IMMP2L: variants seen among roughly 807,000 people sequenced by gnomAD.
IMMP2L encodes the protein mitochondrial inner membrane protease subunit 2.
A neutral mutation model predicts 19.3 loss-of-function variants in IMMP2L; 18 were observed. The ratio of observed to expected loss-of-function variants is 0.93; its 90% CI spans 0.64 to 1.38. IMMP2L has a LOEUF of 1.38. IMMP2L is among the 40% of genes most tolerant of loss of function. The pLI is 0.00. For missense variants in IMMP2L, 233 were observed against 218.2 expected, an observed-to-expected ratio of 1.07 and a Z score of -0.43; for synonymous variants, 76 against 73.0, an observed-to-expected ratio of 1.04 and a Z score of -0.21.
intron 3 of IMMP2L, among the ~76,000 whole-genome samples, chr7:111,362,207 T>C (rs1829324766): frequency 6.6e-6 from 1 of 152,078 alleles, no homozygotes; most frequent in African/African-American, 2.4e-5. Flanking sequence ...TTTCCAGTTA[T>C]CTCCCCATAG....
At chr7:111,151,477 C>T (rs944055005) in intron 3 of IMMP2L, among the ~76,000 whole-genome samples, 2 of 151,964 alleles carry the variant, frequency 1.3e-5, no homozygotes, top group African/African-American at 2.4e-5. Flanking sequence ...AGAGACAGAA[C>T]GAGACAGAGA....
intron 3 of IMMP2L, among the ~76,000 whole-genome samples, chr7:111,441,449 G>A (rs183348742): frequency 6.6e-6 from 1 of 151,870 alleles, no homozygotes; most frequent in East Asian, 1.9e-4. Context: ...GGAACTGCAG[G>A]TCGGTGGAGG....
chr7:110,872,931 G>A (rs547810445), intron 5 of IMMP2L, among the ~76,000 whole-genome samples: 4 of 152,206 alleles, frequency 2.6e-5, no homozygotes, highest in South Asian at 2.1e-4. Flanking sequence ...ATCTGGTAGG[G>A]GTAAATGCCA....
intron 5 of IMMP2L, among the ~76,000 whole-genome samples, chr7:110,670,251 T>C (rs1057275214): frequency 6.6e-6 from 1 of 152,254 alleles, no homozygotes; most frequent in Non-Finnish European, 1.5e-5. Context: ...AGGGGGACTA[T>C]AGAAAAAAAC....
intron 5 of IMMP2L, among the ~76,000 whole-genome samples, chr7:110,714,672 C>T (rs1002199481): frequency 2.0e-5 from 3 of 152,172 alleles, no homozygotes; most frequent in African/African-American, 7.2e-5. Context: ...TCTCGGCTCA[C>T]TGTAACCTCC....
At chr7:111,309,951 C>G (rs1040514400) in intron 3 of IMMP2L, among the ~76,000 whole-genome samples, 1 of 151,950 alleles carries the variant, frequency 6.6e-6, no homozygotes, top group African/African-American at 2.4e-5. Context: ...TAATAACATT[C>G]TGGCCGGGCA....
chr7:111,345,695 G>T (rs1827470780), intron 3 of IMMP2L, among the ~76,000 whole-genome samples: 2 of 152,092 alleles, frequency 1.3e-5, no homozygotes, highest in African/African-American at 4.8e-5. Context: ...CTGGCTAGTG[G>T]CTAACAAGTC....
Position 111,251,467 on chromosome 7 carries a change from G to A in IMMP2L, c.239+235771C>T, listed in dbSNP as rs371050275. Among the ~76,000 whole-genome samples, 5 of 152,044 alleles carry A rather than the reference G, an allele frequency of 3.3e-5. No homozygotes were observed. The South Asian group carries it at 8.3e-4, about 25-fold the overall frequency. ...TACTTGCGCACATATGTTCCATGCA[G>A]CACTATTCACAACAGCAAAAACATG... On this transcript the variant is annotated intron_variant, in intron 3 of 5. Coordinates refer to ENST00000405709, the MANE Select transcript of IMMP2L (RefSeq NM_032549.4).
chr7:111,366,039 C>A (rs1829728418), intron 3 of IMMP2L, among the ~76,000 whole-genome samples: 1 of 151,986 alleles, frequency 6.6e-6, no homozygotes, highest in South Asian at 2.1e-4. Flanking sequence ...GCAACCATGA[C>A]AATAAAGCCT....
At chr7:111,503,184 T>C (rs1844488228) in intron 2 of IMMP2L, among the ~76,000 whole-genome samples, 1 of 152,094 alleles carries the variant, frequency 6.6e-6, no homozygotes, top group Non-Finnish European at 1.5e-5. Context: ...CAGAGAATAC[T>C]ACAAACACCT....
At chr7:111,032,178 G>A (rs933049325) in intron 3 of IMMP2L, among the ~76,000 whole-genome samples, 1 of 151,978 alleles carries the variant, frequency 6.6e-6, no homozygotes. Context: ...TGGGCTTAAG[G>A]TATCCGCCTA....
chr7:111,446,205 A>G (rs1425398786), intron 3 of IMMP2L, among the ~76,000 whole-genome samples: 4 of 152,310 alleles, frequency 2.6e-5, no homozygotes, highest in African/African-American at 9.6e-5. Context: ...GGAGCCCGCC[A>G]CAGCTCAAGG....
intron 3 of IMMP2L, among the ~76,000 whole-genome samples, chr7:111,057,037 T>G (rs1793575171): frequency 1.3e-5 from 2 of 152,206 alleles, no homozygotes; most frequent in African/African-American, 4.8e-5. Context: ...CTTGGAAACT[T>G]TCATTTTTAC....
chr7:110,990,011 G>C (rs1316573199), intron 3 of IMMP2L, among the ~76,000 whole-genome samples: 4 of 152,044 alleles, frequency 2.6e-5, no homozygotes, highest in South Asian at 2.1e-4. Context: ...TTTCCATCAA[G>C]AGATTTGCTC....
At chr7:110,957,607 T>C (rs1356350316) in intron 4 of IMMP2L, among the ~76,000 whole-genome samples, 1 of 151,936 alleles carries the variant, frequency 6.6e-6, no homozygotes, top group Non-Finnish European at 1.5e-5. Flanking sequence ...TCTGAAAACC[T>C]CTCAGATCTA....
chr7:111,402,272 T>C (rs1378268792), intron 3 of IMMP2L, among the ~76,000 whole-genome samples: 1 of 151,886 alleles, frequency 6.6e-6, no homozygotes, highest in Non-Finnish European at 1.5e-5. Flanking sequence ...AAACTAACTT[T>C]CTATGAAACG....
At chr7:110,716,092 T>C (rs955583745) in intron 5 of IMMP2L, among the ~76,000 whole-genome samples, 1 of 151,912 alleles carries the variant, frequency 6.6e-6, no homozygotes, top group Non-Finnish European at 1.5e-5. Context: ...CCTGCTTTTT[T>C]TTGTTTTCCA....
At position 110,899,632 on chromosome 7, in the gene IMMP2L, T is replaced by C. The variant is rs889451611; in HGVS notation, c.306-12937A>G. Among the ~76,000 whole-genome samples, 5 of 152,214 alleles carry C rather than the reference T, an allele frequency of 3.3e-5. No individual in the cohort carries two copies. In the South Asian group the frequency reaches 1.0e-3, roughly 32 times the overall value. ...ACAATACCCAGACTACCAGCATTCA[T>C]ATGAATGTAGGGCAGTGAATTGTTT... On this transcript the variant is annotated intron_variant, in intron 4 of 5. Coordinates refer to ENST00000405709, the MANE Select transcript of IMMP2L (RefSeq NM_032549.4).
rs1046454957 is a variant in IMMP2L at position 111,435,352 on chromosome 7, T to C, written c.239+51886A>G. 2.0e-5 allele frequency among the ~76,000 whole-genome samples: 3 copies of C among 151,942 alleles called. No homozygotes were observed. The East Asian group carries it at 5.8e-4, about 29-fold the overall frequency. On this transcript the variant is annotated intron_variant, in intron 3 of 5. Coordinates refer to ENST00000405709, the MANE Select transcript of IMMP2L (RefSeq NM_032549.4). ...TACAACTTAGAATACTATGCAGTCA[T>C]AAAAAAGAATGAAATAATGTCCTTG...
Sources: allele counts gnomAD v4.1 joint callset (sites outside exome capture counted in the v4.1 genomes callset), GRCh38; gene constraint gnomAD v4.1.1; transcripts MANE v1.5; gene names NCBI Gene and HGNC (gene_info 2026-07-23, HGNC 2026-07-21).